The following ACSL1 variants were observed in gnomAD, a reference collection of about 807,000 sequenced individuals.
ACSL1 encodes the protein long-chain-fatty-acid--CoA ligase 1.
In ACSL1, 41 loss-of-function variants were observed where a neutral mutation model predicts 98.4. That is an observed-to-expected ratio of 0.42 (90% CI 0.32 to 0.54). ACSL1 has a LOEUF of 0.54. Ranked by LOEUF, ACSL1 falls within the 20% of genes least tolerant of loss-of-function variation. ACSL1 has a pLI of 0.13. For missense variants in ACSL1, 734 were observed against 883.1 expected (o/e 0.83, Z 2.14); for synonymous variants, 316 against 322.7 (o/e 0.98, Z 0.22).
At chr4:184,779,624 A>G (rs1425208475) in intron 5 of ACSL1, among the ~76,000 whole-genome samples, 3 of 152,170 alleles carry the variant, frequency 2.0e-5, no homozygotes, top group Non-Finnish European at 2.9e-5. Context: ...GGAAAGCCTC[A>G]TACCTTTCAG....
At position 184,778,121 on chromosome 4, in the gene ACSL1, G is replaced by A. The variant is rs1044940905; in HGVS notation, c.478-1138C>T. Among the ~76,000 whole-genome samples the A allele has an allele frequency of 3.9e-4, 59 of 152,204 alleles. 1 individual carries two copies. Among genetic ancestry groups the A allele is most frequent in the Admixed American group, 3.7e-3 (57 of 15,286 alleles). ...CAAGATGCAGTAAGATGTGTCTGAA[G>A]GCACTGGCCACATAGCCACTGCCCT... On this transcript the variant is annotated intron_variant, in intron 5 of 20. Coordinates refer to ENST00000281455, the MANE Select transcript of ACSL1 (RefSeq NM_001995.5).
At chr4:184,759,055 A>G (rs1762516890) in intron 18 of ACSL1, among the ~76,000 whole-genome samples, 1 of 151,970 alleles carries the variant, frequency 6.6e-6, no homozygotes, top group African/African-American at 2.4e-5. Flanking sequence ...AGCTTCATCC[A>G]TGTCCCTGCA....
chr4:184,774,302 C>G (rs750441575), intron 7 of ACSL1, among the ~76,000 whole-genome samples: 52 of 152,130 alleles, frequency 3.4e-4, no homozygotes, highest in Non-Finnish European at 6.3e-4. Context: ...ACTACCTCAC[C>G]CCCACATTCT....
chr4:184,763,114 C>T, intron 16 of ACSL1, 53 bp downstream of exon 16: 2 of 1,583,880 alleles, frequency 1.3e-6, no homozygotes, highest in Non-Finnish European at 8.6e-7. Flanking sequence ...TCGCAAAGGC[C>T]AGCGATCACA....
chr4:184,826,464 T>A (rs575091842), upstream of ACSL1: 1 of 152,354 alleles, frequency 6.6e-6, no homozygotes, highest in East Asian at 2.0e-4. Context: ...CTCTCCGTTT[T>A]TCCTTGACAC....
intron 11 of ACSL1, among the ~76,000 whole-genome samples, chr4:184,768,798 G>A (rs72695628): frequency 0.12 from 18,578 of 152,102 alleles, 1,473 homozygotes; most frequent in Non-Finnish European, 0.17. Context: ...GGCTGGGCGC[G>A]GTGGCTTACA....
intron 3 of ACSL1, among the ~76,000 whole-genome samples, chr4:184,786,425 C>T (rs1232080562): frequency 3.2e-4 from 33 of 101,912 alleles, no homozygotes; most frequent in African/African-American, 9.3e-4. Flanking sequence ...AAAGCACACA[C>T]ACACACACAC....
Position 184,763,214 on chromosome 4 carries a change from C to T in ACSL1, c.1474G>A (p.Val492Ile). 6.2e-7 allele frequency: 1 copy of T among 1,614,080 alleles called. No homozygotes were observed. Among genetic ancestry groups the T allele is most frequent in the South Asian group, 1.1e-5 (1 of 91,056 alleles). ...APMPCNLIKL[V>I]DVEEMNYMAA... ...ATGTAATTCATTTCTTCCACATCAACAAGTTTTATCAAATTGCACGGCATC... is the reference window on the plus strand; with the variant it reads ...ATGTAATTCATTTCTTCCACATCAATAAGTTTTATCAAATTGCACGGCATC... Residue 492 changes from valine (V) to isoleucine (I), a missense_variant, in exon 16 of 21, where the codon GTT (valine) becomes ATT (isoleucine). Val to Ile is a conservative substitution (Grantham distance 29). Transcript: ENST00000281455.
Position 184,762,495 on chromosome 4 carries a change from T to A in ACSL1, c.1550A>T (p.Gln517Leu). ...EVCVKGPNVF[Q>L]GYLKDPAKTA... ...TTTCGCTGGGTCCTTCAAGTAGCCC[T>A]GAAATACATTTGGCCCTTTCACACA... Residue 517 changes from glutamine (Q) to leucine (L), a missense_variant, in exon 17 of 21, where the codon CAG becomes CTG. Physicochemically the swap from Gln to Leu is moderately radical, Grantham distance 113. Transcript: ENST00000281455. 6.2e-7 allele frequency: 1 copy of A among 1,614,230 alleles called. No individual in the cohort carries two copies. Among genetic ancestry groups the A allele is most frequent in the Non-Finnish European group, 8.5e-7 (1 of 1,180,042 alleles).
intron 18 of ACSL1, among the ~76,000 whole-genome samples, chr4:184,759,203 A>G (rs1241272868): frequency 1.3e-5 from 2 of 152,198 alleles, no homozygotes; most frequent in Admixed American, 1.3e-4. Context: ...GTGCTGCAAT[A>G]AACATACGTG....
intron 12 of ACSL1, chr4:184,768,029 A>G (rs765785305): frequency 2.1e-6 from 1 of 469,778 alleles, no homozygotes; most frequent in Non-Finnish European, 3.7e-6. Context: ...CACATGAGGA[A>G]GCAGAGGCTC....
intron 1 of ACSL1, chr4:184,813,594 T>C (rs75569767): frequency 3.8e-6 from 1 of 266,500 alleles, no homozygotes; most frequent in African/African-American, 2.2e-5. Context: ...TTGAAGAACA[T>C]GACAGCATGT....
At chr4:184,788,818 C>A (rs1181351123) in intron 2 of ACSL1, 87 bp from the exon 3 acceptor site, 2 of 918,470 alleles carry the variant, frequency 2.2e-6, no homozygotes, top group East Asian at 2.4e-5. Context: ...TTAACATATC[C>A]ATTCCTTTAC....
chr4:184,775,022 A>G (rs1290602429), intron 7 of ACSL1, among the ~76,000 whole-genome samples: 1 of 152,268 alleles, frequency 6.6e-6, no homozygotes, highest in Admixed American at 6.5e-5. Flanking sequence ...AATAAAATAA[A>G]GCACCAGTTA....
At chr4:184,808,240 TAC>T (rs144996842) in intron 1 of ACSL1, 35,756 of 746,072 alleles carry the variant, frequency 0.048, no homozygotes, top group Non-Finnish European at 0.054. Context: ...TACACAAACA[TAC>T]ACACACACAC....
chr4:184,774,130 G>C (rs540480371), intron 7 of ACSL1, among the ~76,000 whole-genome samples: 13 of 152,158 alleles, frequency 8.5e-5, no homozygotes, highest in African/African-American at 3.1e-4. Context: ...TATTAGGACT[G>C]GTCTTTGAAA....
At chr4:184,814,920 A>G in intron 1 of ACSL1, 1 of 400,530 alleles carries the variant, frequency 2.5e-6, no homozygotes, top group Non-Finnish European at 5.0e-6. Flanking sequence ...AAAAGAAGCA[A>G]CACTCTGAAC....
rs1351155650 is a variant in ACSL1 at position 184,803,801 on chromosome 4, A to G, written c.-32-255T>C. ...CCCCATTCTCTTCCTTTCATTAACC[A>G]TATTAAAAAGATTTTACTCAAGAAG... On this transcript the variant is annotated intron_variant, in intron 1 of 20. Coordinates refer to ENST00000281455, the MANE Select transcript of ACSL1 (RefSeq NM_001995.5). This position sits in a 1 kb window ranked among gnomAD's most constrained non-coding sequence, Gnocchi z 4.8. Among the ~76,000 whole-genome samples the G allele has an allele frequency of 6.6e-6, 1 of 152,210 alleles. No homozygotes were observed. The highest frequency in any genetic ancestry group is 1.5e-5 in the Non-Finnish European group (1 of 68,036).
chr4:184,788,986 A>T (rs1767891603), intron 2 of ACSL1, among the ~76,000 whole-genome samples: 1 of 152,200 alleles, frequency 6.6e-6, no homozygotes. Context: ...CCTATTATAC[A>T]CCATAAATAC....
Sources: gnomAD v4.1 joint callset for allele counts (sites outside exome capture counted in the v4.1 genomes callset) on GRCh38, gnomAD v4.1.1 for gene constraint, Gnocchi (gnomAD v3.1) non-coding constraint, MANE v1.5 for transcripts, NCBI Gene and HGNC (gene_info 2026-07-23, HGNC 2026-07-21) for gene names.